ZNF831: variants seen among roughly 807,000 people sequenced by gnomAD.
ZNF831 encodes zinc finger protein 831.
In ZNF831, 59 loss-of-function variants were observed where a neutral mutation model predicts 95.8. The observed-to-expected ratio is 0.62, with a 90% confidence interval of 0.50 to 0.77. The LOEUF (loss-of-function observed/expected upper bound fraction) is 0.77. Among genes scored for constraint, ZNF831 ranks in the 30% least tolerant of loss-of-function variants. ZNF831 has a pLI of 0.00. For missense variants in ZNF831, 2,205 were observed against 2,164.0 expected (o/e 1.02, Z -0.38); for synonymous variants, 961 against 925.5 (o/e 1.04, Z -0.70).
In ZNF831 at chr20:59,191,253, G is replaced by A. The variant is rs2146544896; in HGVS notation, c.234G>A (p.Val78=). Residue 78 remains valine, a synonymous_variant, in exon 2 of 6, where the codon GTG becomes GTA. Coordinates refer to ENST00000371030, the MANE Select transcript of ZNF831 (RefSeq NM_178457.3). ...PGGLQPRAPL[V]TGSLDGGNVP... is the part of the protein sequence containing the mutation. ...GCCTCCAGCCCCGCGCCCCGCTAGTGACGGGCAGCCTAGATGGGGGCAACG... is the reference window on the plus strand; with the variant it reads ...GCCTCCAGCCCCGCGCCCCGCTAGTAACGGGCAGCCTAGATGGGGGCAACG... The A allele has an allele frequency of 6.4e-7, 1 of 1,550,396 alleles. No individual in the cohort carries two copies. The highest frequency in any genetic ancestry group is 8.7e-7 in the Non-Finnish European group (1 of 1,148,542).
chr20:59,249,559 A>G (rs6064760), intron 4 of ZNF831, among the ~76,000 whole-genome samples: 14,358 of 152,152 alleles, frequency 0.094, 735 homozygotes, highest in South Asian at 0.19. Context: ...GAAGGGGCCC[A>G]GGATGTGGTT....
intron 1 of ZNF831, among the ~76,000 whole-genome samples, chr20:59,130,527 T>C (rs1032736685): frequency 6.6e-6 from 1 of 152,096 alleles, no homozygotes; most frequent in Non-Finnish European, 1.5e-5. Flanking sequence ...TTCCCTCCCC[T>C]CCTAATGAGC....
At chr20:59,129,154 C>G (rs1424821410) in intron 1 of ZNF831, among the ~76,000 whole-genome samples, 3 of 152,206 alleles carry the variant, frequency 2.0e-5, no homozygotes, top group African/African-American at 4.8e-5. Flanking sequence ...CTGATAGCAC[C>G]TTATGGAAGC....
At position 59,194,639 on chromosome 20, in the gene ZNF831, T is replaced by C. The variant is rs1290945561; in HGVS notation, c.3620T>C (p.Leu1207Ser). ...EQKAKAASVY[L>S]AVHFPGSSLR... ...AAGGCAAAGGCGGCATCTGTGTACT[T>C]GGCGGTGCACTTTCCTGGTAGCAGC... The change falls in exon 2 of 6, where the codon TTG becomes TCG. Residue 1207 changes from leucine to serine, a missense_variant. Leu to Ser is a moderately radical substitution (Grantham distance 145). Transcript: ENST00000371030. The C allele has an allele frequency of 5.6e-6, 9 of 1,613,598 alleles. No homozygotes were observed. Among genetic ancestry groups the C allele is most frequent in the Non-Finnish European group, 6.8e-6 (8 of 1,179,874 alleles).
chr20:59,206,930 T>C lies in ZNF831; in HGVS notation c.3901T>C (p.Cys1301Arg), dbSNP rs767397358. Residue 1301 changes from cysteine to arginine, a missense_variant, in exon 4 of 6, where the codon TGT (cysteine) becomes CGT (arginine). By Grantham distance (180) the Cys-to-Arg change is radical. Transcript: ENST00000371030. The part of the protein sequence containing the change: ...KRYKGNFLQS[C>R]VQLRASRLRT... ...GTACAAAGGGAATTTCTTGCAGAGC[T>C]GTGTTCAGCTGAGAGCCAGTAGACT... 2.0e-5 allele frequency: 33 copies of C among 1,614,032 alleles called. No homozygotes were observed. The highest frequency in any genetic ancestry group is 2.8e-5 in the Non-Finnish European group (33 of 1,180,024).
rs775185780 is a variant in ZNF831, at chr20:59,192,537, G to T, written c.1518G>T (p.Ser506=). The change falls in exon 2 of 6, where the codon TCG becomes TCT. Residue 506 remains serine (S), a synonymous_variant. Transcript: ENST00000371030. This position sits in a 1 kb window ranked among gnomAD's most constrained non-coding sequence, Gnocchi z 5.2. ...GTGTCCCCGTCACCAGGAGCAACTC[G>T]CTGCCCTTCGTCGAGGGCTCCAGGA... is the stretch of plus-strand genomic sequence containing the variant. ...VECVPVTRSN[S]LPFVEGSRTW... is the part of the protein sequence containing the mutation. The T allele has an allele frequency of 1.3e-6, 2 of 1,527,640 alleles. No homozygotes were observed. The highest frequency in any genetic ancestry group is 1.4e-5 in the African/African-American group (1 of 72,136). 94.6% of individuals were successfully genotyped at this position (1,527,640 alleles called of 1,614,324 possible).
chr20:59,152,153 G>T (rs970841261), intron 2 of ZNF831, among the ~76,000 whole-genome samples: 14 of 152,186 alleles, frequency 9.2e-5, no homozygotes, highest in Non-Finnish European at 1.8e-4. Context: ...CCAGGTACCA[G>T]CTTAGGTGCT....
At position 59,259,110 on chromosome 20, in the gene ZNF831, C is replaced by T. The variant is rs1011592863; in HGVS notation, c.*4367C>T. On this transcript the variant is annotated 3_prime_UTR_variant, in exon 6 of 6. Coordinates refer to ENST00000371030, the MANE Select transcript of ZNF831 (RefSeq NM_178457.3). Reference sequence around the variant, plus strand: ...TTTGATAAAAATAAAACTTAAAATGCAAATGTCTCACGTGATTTGTTAACA... The same window carrying T: ...TTTGATAAAAATAAAACTTAAAATGTAAATGTCTCACGTGATTTGTTAACA... The T allele has an allele frequency of 2.6e-5, 4 of 152,152 alleles. No individual in the cohort carries two copies. Among genetic ancestry groups the T allele is most frequent in the African/African-American group, 9.7e-5 (4 of 41,426 alleles). The allele number at this position is 152,152 out of a possible 1,614,324, so 9.4% of individuals were successfully genotyped here.
rs766504959 is a variant in ZNF831 at position 59,191,982 on chromosome 20, G to A, written c.963G>A (p.Thr321=). The A allele has an allele frequency of 3.7e-6, 6 of 1,607,090 alleles. No homozygotes were observed. Among genetic ancestry groups the A allele is most frequent in the Non-Finnish European group, 5.1e-6 (6 of 1,177,724 alleles). The stretch of plus-strand genomic sequence containing the variant: ...GCGCCCTGCAGCGGCAGCAGGCGAC[G>A]GCAGCGGAGAAGCCCTGGGATGCCA... ...KPCALQRQQA[T]AAEKPWDAKA... The change falls in exon 2 of 6, where the codon ACG becomes ACA. Residue 321 remains threonine (T), a synonymous_variant. Coordinates refer to ENST00000371030, the MANE Select transcript of ZNF831 (RefSeq NM_178457.3).
intron 4 of ZNF831, among the ~76,000 whole-genome samples, chr20:59,212,064 A>C (rs1183680129): frequency 6.6e-6 from 1 of 152,210 alleles, no homozygotes; most frequent in Non-Finnish European, 1.5e-5. Context: ...ACATTCAGAA[A>C]TAAGAAGTCA....
chr20:59,134,219 C>T (rs1979436151), intron 1 of ZNF831, among the ~76,000 whole-genome samples: 3 of 152,212 alleles, frequency 2.0e-5, no homozygotes, highest in Admixed American at 2.0e-4. Context: ...CCTGCTCTCC[C>T]TCCCTACCAA....
In ZNF831 at chr20:59,192,204, C is replaced by T. The variant is rs749757214; in HGVS notation, c.1185C>T (p.Ala395=). The T allele has an allele frequency of 1.3e-6, 2 of 1,580,180 alleles. No individual in the cohort carries two copies. Among genetic ancestry groups the T allele is most frequent in the Non-Finnish European group, 1.7e-6 (2 of 1,164,512 alleles). The change falls in exon 2 of 6, where the codon GCC becomes GCT. Residue 395 remains alanine (A), a synonymous_variant. Transcript: ENST00000371030. This position sits in a 1 kb window ranked among gnomAD's most constrained non-coding sequence, Gnocchi z 5.2. ...VAGAEPGARE[A]GLELEKKRLE... Reference sequence around the variant, plus strand: ...GGGCCGAGCCCGGGGCGCGAGAAGCCGGCCTGGAGCTGGAGAAGAAGCGGC... The same window carrying T: ...GGGCCGAGCCCGGGGCGCGAGAAGCTGGCCTGGAGCTGGAGAAGAAGCGGC...
chr20:59,138,015 G>A (rs1979566197), intron 1 of ZNF831, among the ~76,000 whole-genome samples: 1 of 152,152 alleles, frequency 6.6e-6, no homozygotes, highest in Non-Finnish European at 1.5e-5. Context: ...AAATGTGTAT[G>A]AATTACTTGA....
At position 59,254,783 on chromosome 20, in the gene ZNF831, T is replaced by C. The variant is rs1473591013; in HGVS notation, c.*40T>C. The C allele has an allele frequency of 2.6e-6, 4 of 1,561,984 alleles. No homozygotes were observed. Among genetic ancestry groups the C allele is most frequent in the Non-Finnish European group, 3.4e-6 (4 of 1,159,778 alleles). On this transcript the variant is annotated 3_prime_UTR_variant, in exon 6 of 6. Transcript: ENST00000371030. The surrounding 1 kb of genome is among the most constrained non-coding windows in gnomAD (Gnocchi z 4.5). ...CATGGTGTCTGGTCAAAAAGACTGT[T>C]GACGCTTCACAAGTAAATGTTGTCA...
At chr20:59,198,641 A>G (rs921377440) in intron 3 of ZNF831, among the ~76,000 whole-genome samples, 1 of 152,344 alleles carries the variant, frequency 6.6e-6, no homozygotes, top group African/African-American at 2.4e-5. Flanking sequence ...GGGCAGGGGC[A>G]TTGCAGAACA....
chr20:59,200,664 C>T (rs1446748930), intron 3 of ZNF831, among the ~76,000 whole-genome samples: 1 of 152,130 alleles, frequency 6.6e-6, no homozygotes, highest in Non-Finnish European at 1.5e-5. Context: ...CAGGTAACCG[C>T]TGATGTGCTT....
chr20:59,134,977 C>T (rs545925573), intron 1 of ZNF831, among the ~76,000 whole-genome samples: 4 of 152,192 alleles, frequency 2.6e-5, no homozygotes, highest in African/African-American at 9.6e-5. Flanking sequence ...GGAAAAAAAA[C>T]CATCTGCATG....
chr20:59,190,521 A>C (rs59529688), intron 1 of ZNF831, among the ~76,000 whole-genome samples: 7 of 152,356 alleles, frequency 4.6e-5, no homozygotes, highest in Middle Eastern at 3.4e-3. Context: ...CCCATTTTGC[A>C]GATCTGGAAA....
upstream of ZNF831, among the ~76,000 whole-genome samples, chr20:59,158,865 T>C (rs1980684231): frequency 6.6e-6 from 1 of 152,166 alleles, no homozygotes; most frequent in Non-Finnish European, 1.5e-5. Context: ...GCATCTTACA[T>C]GCGCACGGGG....
Sources: gnomAD v4.1 joint callset for allele counts (sites outside exome capture counted in the v4.1 genomes callset) on GRCh38, gnomAD v4.1.1 for gene constraint, Gnocchi (gnomAD v3.1) non-coding constraint, MANE v1.5 for transcripts, NCBI Gene and HGNC (gene_info 2026-07-23, HGNC 2026-07-21) for gene names.